The following ASH1L variants were observed in gnomAD, a reference collection of about 807,000 sequenced individuals.
ASH1L encodes the protein histone-lysine N-methyltransferase ASH1L.
A neutral mutation model predicts 269.0 loss-of-function variants in ASH1L; 23 were observed. The observed-to-expected ratio is 0.09, with a 90% CI of 0.06 to 0.12. The LOEUF is 0.12. Ranked by LOEUF, ASH1L falls within the 10% of genes least tolerant of loss-of-function variation. The probability of loss-of-function intolerance (pLI) is 1.00; values close to 1 mark genes in which losing one functional copy is unlikely to be tolerated. For missense variants in ASH1L, 2,912 were observed against 3,567.8 expected (o/e 0.82, Z 4.68); for synonymous variants, 1,187 against 1,253.5 (o/e 0.95, Z 1.12).
chr1:155,337,832 C>T (rs1360619845), intron 27 of ASH1L, 81 bp from the exon 28 acceptor site: 31 of 1,325,340 alleles, frequency 2.3e-5, no homozygotes, highest in African/African-American at 8.7e-5. Context: ...GGAGAGCACA[C>T]GAACTCAATG....
Position 155,480,364 on chromosome 1 carries a change from T to A in ASH1L, c.2506A>T (p.Met836Leu). 6.2e-6 allele frequency: 10 copies of A among 1,613,850 alleles called. No homozygotes were observed. The highest frequency in any genetic ancestry group is 8.5e-6 in the Non-Finnish European group (10 of 1,179,764). Residue 836 changes from methionine to leucine, a missense_variant, in exon 3 of 28, where the codon ATG becomes TTG. By Grantham distance (15) the Met-to-Leu change is conservative (BLOSUM62 2). Around this residue, in one of 13 missense-constraint regions of ASH1L, gnomAD observed 715 missense variants for 721.0 expected, o/e 0.99. Coordinates refer to ENST00000392403, the MANE Select transcript of ASH1L (RefSeq NM_018489.3). ...PKRGRPKSKEMPQLEGPPKRT... is the reference protein window; with the variant it reads ...PKRGRPKSKELPQLEGPPKRT... Reference sequence around the variant, plus strand: ...TTAGGTGGCCCTTCCAGTTGAGGCATCTCCTTAGATTTAGGCCTTCCTCTT... The same window carrying A: ...TTAGGTGGCCCTTCCAGTTGAGGCAACTCCTTAGATTTAGGCCTTCCTCTT...
intron 25 of ASH1L, among the ~76,000 whole-genome samples, chr1:155,341,245 T>C (rs1205007548): frequency 5.3e-5 from 8 of 152,006 alleles, no homozygotes; most frequent in Non-Finnish European, 1.0e-4. Flanking sequence ...GGCGTGATCT[T>C]GGCTCACTGC....
At position 155,410,541 on chromosome 1, in the gene ASH1L, T is replaced by C. The variant is rs143068889; in HGVS notation, c.6008+5203A>G. On this transcript the variant is annotated intron_variant, in intron 6 of 27. Coordinates refer to ENST00000392403, the MANE Select transcript of ASH1L (RefSeq NM_018489.3). ...CTGGTCTTGAACTCCTGACCTCAAGTAGTCTGCCTGCCTTGCCTTCCAAAG... is the reference window on the plus strand; with the variant it reads ...CTGGTCTTGAACTCCTGACCTCAAGCAGTCTGCCTGCCTTGCCTTCCAAAG... Among the ~76,000 whole-genome samples the C allele has an allele frequency of 4.0e-4, 56 of 139,054 alleles. No individual in the cohort carries two copies. In the East Asian group the frequency reaches 0.018, roughly 43 times the overall value. 91.2% of individuals were successfully genotyped at this position (139,054 alleles called of 152,430 possible). A position where few individuals can be genotyped will look rare whatever the true frequency, so the allele number is the denominator to read the frequency against.
At chr1:155,489,924 A>G (rs1666643931) in intron 2 of ASH1L, among the ~76,000 whole-genome samples, 1 of 152,094 alleles carries the variant, frequency 6.6e-6, no homozygotes, top group Admixed American at 6.6e-5. Flanking sequence ...GAAAGTACAA[A>G]GCTGAAGGGC....
Position 155,479,516 on chromosome 1 carries a change from C to T in ASH1L, c.3354G>A (p.Gln1118=), listed in dbSNP as rs1372485071. ...AACCTGCATCACTACTTACAGGGCT[C>T]TGACCTCCACTAGTCCCAGAAGACT... The part of the protein sequence containing the change: ...CSQSSGTSGG[Q]SPVSSDAGFV... Residue 1118 remains glutamine (Q), a synonymous_variant, in exon 3 of 28, where the codon CAG becomes CAA. Coordinates refer to ENST00000392403, the MANE Select transcript of ASH1L (RefSeq NM_018489.3). 2 of 1,614,174 alleles carry T rather than the reference C, an allele frequency of 1.2e-6. No individual in the cohort carries two copies. The highest frequency in any genetic ancestry group is 1.7e-6 in the Non-Finnish European group (2 of 1,180,022).
chr1:155,373,237 A>C (rs1010932074), intron 10 of ASH1L, among the ~76,000 whole-genome samples: 1 of 151,904 alleles, frequency 6.6e-6, no homozygotes, highest in African/African-American at 2.4e-5. Context: ...AAAAAACAAA[A>C]AAAAACTGAA....
rs761600260 is a variant in ASH1L, at chr1:155,551,811, T to TA, written c.-100+10341dup. On this transcript the variant is annotated intron_variant, in intron 1 of 27. Transcript: ENST00000392403. The stretch of plus-strand genomic sequence containing the variant: ...GGTGAAACCCCGTCTCTACTAAAGA[T>TA]AAAAAAAAAAAAAAATTAGCCGGGC... Among the ~76,000 whole-genome samples, 418 of 102,380 alleles carry TA rather than the reference T, an allele frequency of 4.1e-3. 2 individuals carry two copies. Among genetic ancestry groups the TA allele is most frequent in the African/African-American group, 0.01 (280 of 27,420 alleles). The allele number at this position is 102,380 out of a possible 152,430, so 67.2% of individuals were successfully genotyped here. A position where few individuals can be genotyped will look rare whatever the true frequency, so the allele number is the denominator to read the frequency against.
At position 155,429,357 on chromosome 1, in the gene ASH1L, T is replaced by A. The variant is rs374000672; in HGVS notation, c.5828+8970A>T. ...GATGTGATCTTGGCTCACTGCAATC[T>A]CTACCTCCTGGGCTCAAGTGATTCT... On this transcript the variant is annotated intron_variant, in intron 5 of 27. Coordinates refer to ENST00000392403, the MANE Select transcript of ASH1L (RefSeq NM_018489.3). Among the ~76,000 whole-genome samples, 14 of 152,292 alleles carry A rather than the reference T, an allele frequency of 9.2e-5. No homozygotes were observed. In the South Asian group the frequency reaches 2.7e-3, roughly 29 times the overall value.
chr1:155,452,828 A>G (rs1485870035), intron 4 of ASH1L, among the ~76,000 whole-genome samples: 2 of 152,162 alleles, frequency 1.3e-5, no homozygotes, highest in Non-Finnish European at 2.9e-5. Context: ...ATGTGCTGGG[A>G]TAACAGGTGT....
At chr1:155,361,637 T>C (rs1367712657) in intron 12 of ASH1L, among the ~76,000 whole-genome samples, 2 of 151,092 alleles carry the variant, frequency 1.3e-5, no homozygotes, top group African/African-American at 4.9e-5. Context: ...AGGCGGAGGT[T>C]GCGGTGAGCC....
intron 7 of ASH1L, among the ~76,000 whole-genome samples, chr1:155,389,742 C>T (rs1343241053): frequency 1.3e-5 from 2 of 152,090 alleles, no homozygotes; most frequent in Non-Finnish European, 2.9e-5. Context: ...GATATGTTTT[C>T]AAATTATTTG....
chr1:155,369,769 G>C (rs1349076532), intron 12 of ASH1L, among the ~76,000 whole-genome samples: 1 of 151,950 alleles, frequency 6.6e-6, no homozygotes, highest in Non-Finnish European at 1.5e-5. Context: ...TAAATATTAG[G>C]TATTATTATT....
chr1:155,379,676 G>A (rs1040267902), intron 8 of ASH1L, among the ~76,000 whole-genome samples: 3 of 152,062 alleles, frequency 2.0e-5, no homozygotes, highest in African/African-American at 7.2e-5. Flanking sequence ...TGATAAGAAG[G>A]AGCCAACAAA....
At chr1:155,387,846 T>A (rs1489909141) in intron 7 of ASH1L, among the ~76,000 whole-genome samples, 1 of 152,198 alleles carries the variant, frequency 6.6e-6, no homozygotes, top group Non-Finnish European at 1.5e-5. Flanking sequence ...TAGAGATCCT[T>A]CGCTTCCCTA....
chr1:155,487,704 T>C (rs751269722), intron 2 of ASH1L, among the ~76,000 whole-genome samples: 21 of 151,800 alleles, frequency 1.4e-4, no homozygotes, highest in Admixed American at 7.9e-4. Context: ...TTAATCTGAA[T>C]GTTGGTTGTC....
chr1:155,471,473 G>A (rs748156760), intron 3 of ASH1L, among the ~76,000 whole-genome samples: 11 of 152,166 alleles, frequency 7.2e-5, no homozygotes, highest in Non-Finnish European at 1.5e-4. Context: ...TAATCAATCC[G>A]GCCTACCTAA....
chr1:155,496,366 C>A (rs1164728795), intron 2 of ASH1L, among the ~76,000 whole-genome samples: 1 of 152,178 alleles, frequency 6.6e-6, no homozygotes, highest in Non-Finnish European at 1.5e-5. Context: ...TTACGCAGCA[C>A]GCGACTGTAG....
intron 6 of ASH1L, among the ~76,000 whole-genome samples, chr1:155,402,299 A>AG (rs1423393890): frequency 1.3e-5 from 2 of 152,104 alleles, no homozygotes; most frequent in African/African-American, 4.8e-5. Flanking sequence ...AAGAAGGGGG[A>AG]GGCATCATTT....
At chr1:155,470,312 A>C (rs1399297478) in intron 3 of ASH1L, among the ~76,000 whole-genome samples, 1 of 151,920 alleles carries the variant, frequency 6.6e-6, no homozygotes, top group Non-Finnish European at 1.5e-5. Flanking sequence ...CACAAAAATT[A>C]GCTGGGCATG....
Sources: gnomAD v4.1 joint callset for allele counts (sites outside exome capture counted in the v4.1 genomes callset) on GRCh38, gnomAD v4.1.1 for gene constraint, gnomAD v4.1.1 regional missense constraint, MANE v1.5 for transcripts, NCBI Gene and HGNC (gene_info 2026-07-23, HGNC 2026-07-21) for gene names.